Variants in VSTM2L observed in about 807,000 individuals in gnomAD.
VSTM2L encodes V-set and transmembrane domain containing 2 like, also known as V-set and transmembrane domain-containing protein 2-like protein.
A neutral mutation model predicts 19.9 loss-of-function variants in VSTM2L; 9 were observed. That is an observed-to-expected ratio of 0.45 (90% confidence interval 0.27 to 0.79). The LOEUF is 0.79. VSTM2L is among the 30% of genes least tolerant of loss of function. The probability of loss-of-function intolerance (pLI) is 0.15; values close to 1 mark genes in which losing one functional copy is unlikely to be tolerated. For synonymous variants in VSTM2L, 127 were observed against 133.8 expected, an observed-to-expected ratio of 0.95 and a Z score of 0.35; for missense variants, 286 against 295.5, an observed-to-expected ratio of 0.97 and a Z score of 0.24.
At chr20:37,937,135 C>T (rs8118644) in intron 3 of VSTM2L, among the ~76,000 whole-genome samples, 5,307 of 152,152 alleles carry the variant, frequency 0.035, 297 homozygotes, top group African/African-American at 0.12. Flanking sequence ...ATGGGAAAAT[C>T]GCTTGAACCC....
chr20:37,936,039 C>T (rs1255640166), intron 3 of VSTM2L, among the ~76,000 whole-genome samples: 1 of 146,926 alleles, frequency 6.8e-6, no homozygotes, highest in Non-Finnish European at 1.5e-5. Flanking sequence ...AACAGGCCAC[C>T]ATACCTAGCT....
chr20:37,938,336 T>C lies in VSTM2L; in HGVS notation c.342+4747T>C, dbSNP rs186175378. Among the ~76,000 whole-genome samples the C allele has an allele frequency of 5.3e-5, 8 of 152,186 alleles. No individual in the cohort carries two copies. In the East Asian group the frequency reaches 1.4e-3, roughly 26 times the overall value. ...GGTCTGGGGAGAACCTGAGTTGGGT[T>C]CTGAACATGCTGAGGGGCCAGCGAA... On this transcript the variant is annotated intron_variant, in intron 3 of 3. Coordinates refer to ENST00000373461, the MANE Select transcript of VSTM2L (RefSeq NM_080607.3).
chr20:37,944,882 A>T lies in VSTM2L; in HGVS notation c.*629A>T, dbSNP rs567978697. The T allele has an allele frequency of 5.0e-5, 49 of 985,902 alleles. No individual in the cohort carries two copies. In the Admixed American group the frequency reaches 6.8e-4, roughly 14 times the overall value. The allele number at this position is 985,902 out of a possible 1,614,324, so 61.1% of individuals were successfully genotyped here. A position where few individuals can be genotyped will look rare whatever the true frequency, so the allele number is the denominator to read the frequency against. On this transcript the variant is annotated 3_prime_UTR_variant, in exon 4 of 4. Coordinates refer to ENST00000373461, the MANE Select transcript of VSTM2L (RefSeq NM_080607.3). ...CAGCTCCCTGTGCGACCCTCCAGGG[A>T]TGCAGGGGATCCAGGATTCTCTGCC...
chr20:37,944,223 C>T lies in VSTM2L; in HGVS notation c.585C>T (p.Arg195=), dbSNP rs1204375473. The change falls in exon 4 of 4, where the codon CGC becomes CGT. Residue 195 remains arginine, a synonymous_variant. Coordinates refer to ENST00000373461, the MANE Select transcript of VSTM2L (RefSeq NM_080607.3). ...AGCCAGGCAAGGAGCTGAGGAAGCG[C>T]TCGGTGGACCAGGAGGCCTGCAGCC... ...PPKPGKELRK[R]SVDQEACSL is the part of the protein sequence containing the mutation. The T allele has an allele frequency of 1.3e-5, 20 of 1,522,894 alleles. No homozygotes were observed. Among genetic ancestry groups the T allele is most frequent in the Non-Finnish European group, 1.7e-5 (19 of 1,130,206 alleles). 94.3% of individuals were successfully genotyped at this position (1,522,894 alleles called of 1,614,324 possible).
intron 1 of VSTM2L, among the ~76,000 whole-genome samples, chr20:37,930,211 C>T (rs148471429): frequency 2.2e-4 from 33 of 152,318 alleles, no homozygotes; most frequent in African/African-American, 6.7e-4. Context: ...AGAGGAGAAA[C>T]GGCAGAAGTT....
intron 2 of VSTM2L, among the ~76,000 whole-genome samples, chr20:37,933,005 A>G (rs2122969189): frequency 6.6e-6 from 1 of 152,344 alleles, no homozygotes; most frequent in East Asian, 1.9e-4. Flanking sequence ...TGCCACATGC[A>G]GGCTTAGAGG....
rs139749355 is a variant in VSTM2L at position 37,944,054 on chromosome 20, C to T, written c.416C>T (p.Thr139Ile). 1.2e-3 allele frequency: 1,903 copies of T among 1,612,226 alleles called. 4 individuals are homozygous for T. The highest frequency in any genetic ancestry group is 3.1e-3 in the East Asian group (140 of 44,814). ...CGGGTGAAGCCCACGGACGAAGGCACCTACGAGTGCCGCGTCATCGACTTC... is the reference window on the plus strand; with the variant it reads ...CGGGTGAAGCCCACGGACGAAGGCATCTACGAGTGCCGCGTCATCGACTTC... ...LSRVKPTDEG[T>I]YECRVIDFSD... Residue 139 changes from threonine to isoleucine, a missense_variant, in exon 4 of 4, where the codon ACC becomes ATC. Thr to Ile is a moderately conservative substitution (Grantham distance 89). Coordinates refer to ENST00000373461, the MANE Select transcript of VSTM2L (RefSeq NM_080607.3).
At chr20:37,915,172 G>C (rs112107713) in intron 1 of VSTM2L, among the ~76,000 whole-genome samples, 5,101 of 152,234 alleles carry the variant, frequency 0.034, 131 homozygotes, top group Non-Finnish European at 0.05. Context: ...GAGAGGGAGG[G>C]GCGGTCGGAC....
At chr20:37,927,951 G>A (rs1297561916) in intron 1 of VSTM2L, among the ~76,000 whole-genome samples, 1 of 152,216 alleles carries the variant, frequency 6.6e-6, no homozygotes, top group East Asian at 1.9e-4. Context: ...GCTGGCTTCA[G>A]CCTTTCTTGC....
rs1277259454 is a variant in VSTM2L at position 37,903,373 on chromosome 20, C to A, written c.23C>A (p.Ala8Glu). ...ACGATGGGGGCCCCGCTCGCCGTAG[C>A]GCTGGGCGCCCTCCACTACCTGGCA... MGAPLAV[A>E]LGALHYLALF... Residue 8 changes from alanine (A) to glutamate (E), a missense_variant, in exon 1 of 4, where the codon GCG becomes GAG. Coordinates refer to ENST00000373461, the MANE Select transcript of VSTM2L (RefSeq NM_080607.3). 2 of 1,481,122 alleles carry A rather than the reference C, an allele frequency of 1.4e-6. No homozygotes were observed. 91.7% of individuals were successfully genotyped at this position (1,481,122 alleles called of 1,614,324 possible).
At chr20:37,921,973 T>C (rs1270761015) in intron 1 of VSTM2L, among the ~76,000 whole-genome samples, 2 of 151,690 alleles carry the variant, frequency 1.3e-5, no homozygotes, top group Non-Finnish European at 2.9e-5. Context: ...AGATTTTTAT[T>C]GTAAATCCAC....
chr20:37,918,822 G>A (rs993537349), intron 1 of VSTM2L, among the ~76,000 whole-genome samples: 1 of 152,082 alleles, frequency 6.6e-6, no homozygotes, highest in East Asian at 1.9e-4. Flanking sequence ...AACCTCCCCT[G>A]ACTCTCCAGG....
In VSTM2L at chr20:37,903,476, G is replaced by A; in HGVS notation, c.121+5G>A. ...ACAACCACGTCTCCGGCCACGGTGA[G>A]TTCGGTCGCCGCCCCCGCGGACTTC... On this transcript the variant is annotated splice_donor_5th_base_variant and intron_variant, in intron 1 of 3. Coordinates refer to ENST00000373461, the MANE Select transcript of VSTM2L (RefSeq NM_080607.3). 1 of 1,472,532 alleles carries A rather than the reference G, an allele frequency of 6.8e-7. No individual in the cohort carries two copies. The highest frequency in any genetic ancestry group is 1.3e-5 in the South Asian group (1 of 77,966). The allele number at this position is 1,472,532 out of a possible 1,614,324, so 91.2% of individuals were successfully genotyped here. A position where few individuals can be genotyped will look rare whatever the true frequency, so the allele number is the denominator to read the frequency against.
intron 1 of VSTM2L, among the ~76,000 whole-genome samples, chr20:37,908,659 G>A (rs2072763612): frequency 6.6e-6 from 1 of 152,002 alleles, no homozygotes; most frequent in Admixed American, 6.6e-5. Flanking sequence ...CAAAAAAATA[G>A]CCAGGCATGG....
chr20:37,928,474 G>T (rs1356132452), intron 1 of VSTM2L, among the ~76,000 whole-genome samples: 3 of 152,248 alleles, frequency 2.0e-5, no homozygotes, highest in Admixed American at 6.5e-5. Context: ...TATTGGCTGG[G>T]CGTGGTGGCT....
At chr20:37,927,153 T>A (rs1180353009) in intron 1 of VSTM2L, among the ~76,000 whole-genome samples, 1 of 152,124 alleles carries the variant, frequency 6.6e-6, no homozygotes, top group Middle Eastern at 3.4e-3. Flanking sequence ...TTAGTAGAGA[T>A]GAGGTTTTGC....
intron 1 of VSTM2L, among the ~76,000 whole-genome samples, chr20:37,911,671 A>G (rs1472977704): frequency 6.6e-6 from 1 of 151,902 alleles, no homozygotes; most frequent in African/African-American, 2.4e-5. Flanking sequence ...CAGGATGGGG[A>G]GAGGGGCTGG....
In VSTM2L at chr20:37,944,520, G is replaced by A. The variant is rs2072997036; in HGVS notation, c.*267G>A. The A allele has an allele frequency of 3.3e-6, 4 of 1,215,738 alleles. No homozygotes were observed. In the African/African-American group the frequency reaches 6.2e-5, roughly 19 times the overall value. The allele number at this position is 1,215,738 out of a possible 1,614,324, so 75.3% of individuals were successfully genotyped here. On this transcript the variant is annotated 3_prime_UTR_variant, in exon 4 of 4. Transcript: ENST00000373461. ...CAACCGCCCTGAACACTGGGGCAGG[G>A]ACCATGCTGGGGCCCGGGGCCACCC...
chr20:37,922,530 A>C (rs921540876), intron 1 of VSTM2L, among the ~76,000 whole-genome samples: 5 of 152,092 alleles, frequency 3.3e-5, no homozygotes, highest in Non-Finnish European at 4.4e-5. Flanking sequence ...CTCTAGCCTC[A>C]GCTCTGCCTT....
Sources: allele counts gnomAD v4.1 joint callset (sites outside exome capture counted in the v4.1 genomes callset), GRCh38; gene constraint gnomAD v4.1.1; transcripts MANE v1.5; gene names NCBI Gene and HGNC (gene_info 2026-07-23, HGNC 2026-07-21).